DMD: variants seen among roughly 807,000 people sequenced by gnomAD.
DMD encodes dystrophin, also known as mutant dystrophin.
Under a neutral mutation model 330.1 loss-of-function variants are expected in DMD, and 63 were observed. The ratio of observed to expected loss-of-function variants is 0.19; its 90% CI spans 0.16 to 0.24. The LOEUF is 0.24. Among genes scored for constraint, DMD ranks in the 10% least tolerant of loss-of-function variants. The pLI is 1.00. For synonymous variants in DMD, 1,223 were observed against 959.8 expected, an observed-to-expected ratio of 1.27 and a Z score of -5.07; for missense variants, 3,344 against 2,684.1, an observed-to-expected ratio of 1.25 and a Z score of -5.43.
intron 67 of DMD, among the ~76,000 whole-genome samples, chrX:31,198,108 C>A (rs1172342763): frequency 9.4e-6 from 1 of 106,496 alleles, no homozygotes; most frequent in Non-Finnish European, 1.9e-5. Context: ...TAGTGAAGAT[C>A]GGGGGATAAA....
At chrX:31,230,307 A>G (rs186723538) in intron 63 of DMD, among the ~76,000 whole-genome samples, 1 of 112,148 alleles carries the variant, frequency 8.9e-6, no homozygotes, top group Admixed American at 9.5e-5. Context: ...CAGATGTGAA[A>G]TGGTATTACT....
chrX:32,758,140 T>C (rs969017783), intron 7 of DMD, among the ~76,000 whole-genome samples: 1 of 112,178 alleles, frequency 8.9e-6, no homozygotes, highest in African/African-American at 3.2e-5. Context: ...AGGTCCCACA[T>C]GTTCCTGAGT....
chrX:33,180,978 G>A (rs759963977), intron 1 of DMD, among the ~76,000 whole-genome samples: 2 of 108,583 alleles, frequency 1.8e-5, no homozygotes, highest in South Asian at 8.1e-4. Flanking sequence ...TCACTTTTTC[G>A]TTACATGAGC....
intron 60 of DMD, among the ~76,000 whole-genome samples, chrX:31,389,193 C>T (rs2060589185): frequency 9.0e-6 from 1 of 111,491 alleles, no homozygotes; most frequent in Non-Finnish European, 1.9e-5. Flanking sequence ...ATTATTTGTG[C>T]AACAGGCATA....
intron 60 of DMD, among the ~76,000 whole-genome samples, chrX:31,389,811 G>A (rs1247202386): frequency 8.9e-6 from 1 of 112,148 alleles, no homozygotes; most frequent in African/African-American, 3.2e-5. Context: ...AGTTTAGTCT[G>A]TATACATCTA....
At chrX:32,583,528 G>T (rs1375026500) in intron 13 of DMD, 1 of 111,672 alleles carries the variant, frequency 9.0e-6, no homozygotes, top group Non-Finnish European at 1.9e-5. Flanking sequence ...ATTAAAACTT[G>T]TCATAATGCT....
chrX:32,725,006 T>A (rs1350781425), intron 7 of DMD, among the ~76,000 whole-genome samples: 1 of 111,664 alleles, frequency 9.0e-6, no homozygotes, highest in African/African-American at 3.2e-5. Context: ...CAGCCTCAAG[T>A]ACAACACCTT....
chrX:32,676,816 T>A (rs902549625), intron 9 of DMD, among the ~76,000 whole-genome samples: 5 of 111,454 alleles, frequency 4.5e-5, no homozygotes, highest in African/African-American at 1.6e-4. Context: ...GTATTTTATT[T>A]TATAGTGTAC....
chrX:32,035,047 T>C (rs2095930857), intron 44 of DMD, among the ~76,000 whole-genome samples: 1 of 111,802 alleles, frequency 8.9e-6, no homozygotes. Context: ...GTTAGAACTG[T>C]GTACACAAAT....
intron 7 of DMD, among the ~76,000 whole-genome samples, chrX:32,713,112 GTATGT>G (rs1328445410): frequency 9.0e-6 from 1 of 111,716 alleles, no homozygotes; most frequent in South Asian, 3.7e-4. Context: ...ACTATGTTAA[GTATGT>G]TATAAAATCT....
At chrX:32,516,356 G>C (rs2045860970) in intron 18 of DMD, among the ~76,000 whole-genome samples, 1 of 111,707 alleles carries the variant, frequency 9.0e-6, no homozygotes, top group South Asian at 3.7e-4. Flanking sequence ...TTCAGAAAAT[G>C]AGAGTTCAGG....
At chrX:31,339,294 C>A (rs1356561472) in intron 61 of DMD, among the ~76,000 whole-genome samples, 2 of 111,619 alleles carry the variant, frequency 1.8e-5, no homozygotes, top group Non-Finnish European at 3.8e-5. Context: ...AGGGCCATGA[C>A]AACACATTTT....
intron 11 of DMD, among the ~76,000 whole-genome samples, chrX:32,632,811 C>T (rs930670396): frequency 8.9e-6 from 1 of 112,344 alleles, no homozygotes; most frequent in Admixed American, 9.3e-5. Flanking sequence ...GCCCAGGAAA[C>T]CATTCTGTCC....
intron 2 of DMD, among the ~76,000 whole-genome samples, chrX:32,857,697 A>C (rs1310840783): frequency 8.9e-6 from 1 of 111,914 alleles, no homozygotes; most frequent in Non-Finnish European, 1.9e-5. Flanking sequence ...TTATTCAAAA[A>C]GAGGAGCAGA....
intron 2 of DMD, among the ~76,000 whole-genome samples, chrX:32,946,469 C>T (rs2090817582): frequency 9.0e-6 from 1 of 111,680 alleles, no homozygotes; most frequent in African/African-American, 3.2e-5. Context: ...GAGTGTTTTT[C>T]TGTATATCTG....
chrX:32,551,445 T>C (rs1367713024), intron 16 of DMD, among the ~76,000 whole-genome samples: 1 of 111,634 alleles, frequency 9.0e-6, no homozygotes, highest in Non-Finnish European at 1.9e-5. Context: ...CACCCTTTCA[T>C]GTTAAAAATC....
chrX:31,885,633 A>G (rs1428846317), intron 47 of DMD, among the ~76,000 whole-genome samples: 1 of 87,800 alleles, frequency 1.1e-5, no homozygotes, highest in African/African-American at 4.2e-5. Flanking sequence ...AAAAAAAAAA[A>G]AAAAGAAAAA....
chrX:31,666,319 A>G (rs2081424315), intron 53 of DMD, among the ~76,000 whole-genome samples: 1 of 111,939 alleles, frequency 8.9e-6, no homozygotes, highest in Non-Finnish European at 1.9e-5. Flanking sequence ...AAGGCTCAAG[A>G]ACCATGTTCC....
chrX:31,635,156 C>T (rs748925781), intron 54 of DMD, among the ~76,000 whole-genome samples: 1 of 111,654 alleles, frequency 9.0e-6, no homozygotes, highest in East Asian at 2.8e-4. Context: ...AACACTACTT[C>T]CCAGATAATT....
Sources: gnomAD v4.1 joint callset for allele counts (sites outside exome capture counted in the v4.1 genomes callset) on GRCh38, gnomAD v4.1.1 for gene constraint, MANE v1.5 for transcripts, NCBI Gene and HGNC (gene_info 2026-07-23, HGNC 2026-07-21) for gene names.